Variants in KIAA1217 observed in about 807,000 individuals in gnomAD.
The protein encoded by KIAA1217 is sickle tail protein homolog.
Under a neutral mutation model 163.9 loss-of-function variants are expected in KIAA1217, and 88 were observed. The observed-to-expected ratio is 0.54, with a 90% CI of 0.45 to 0.64. The LOEUF is 0.64. Among genes scored for constraint, KIAA1217 ranks in the 30% least tolerant of loss-of-function variants. The probability of loss-of-function intolerance (pLI) is 0.00; values close to 1 mark genes in which losing one functional copy is unlikely to be tolerated. For missense variants in KIAA1217, 2,372 were observed against 2,475.0 expected, an observed-to-expected ratio of 0.96 and a Z score of 0.88; for synonymous variants, 903 against 923.1, an observed-to-expected ratio of 0.98 and a Z score of 0.39.
chr10:24,452,631 G>C (rs1400913225), intron 5 of KIAA1217, among the ~76,000 whole-genome samples: 1 of 144,468 alleles, frequency 6.9e-6, no homozygotes, highest in Non-Finnish European at 1.5e-5. Context: ...GCAGTGAGCC[G>C]AGATCGCACC....
At chr10:23,725,715 A>C (rs1358858609) in intron 1 of KIAA1217, among the ~76,000 whole-genome samples, 1 of 152,222 alleles carries the variant, frequency 6.6e-6, no homozygotes, top group East Asian at 1.9e-4. Context: ...TTTTGCTTAC[A>C]TGCATGGCTT....
chr10:24,461,901 A>C (rs1281101714), intron 5 of KIAA1217, among the ~76,000 whole-genome samples: 1 of 152,134 alleles, frequency 6.6e-6, no homozygotes, highest in African/African-American at 2.4e-5. Context: ...TGGGTGGTGC[A>C]TGCATCTCTG....
upstream of KIAA1217, among the ~76,000 whole-genome samples, chr10:24,207,429 G>A (rs796620651): frequency 6.6e-6 from 1 of 152,136 alleles, no homozygotes; most frequent in African/African-American, 2.4e-5. Context: ...GAACACAGCA[G>A]GGCCCTCCTT....
chr10:24,081,781 C>T (rs2061545718), intron 2 of KIAA1217, among the ~76,000 whole-genome samples: 1 of 152,244 alleles, frequency 6.6e-6, no homozygotes, highest in African/African-American at 2.4e-5. Flanking sequence ...GCATTCGAAG[C>T]TGTCCTGGGC....
At chr10:24,181,872 A>T (rs966696098) in intron 2 of KIAA1217, among the ~76,000 whole-genome samples, 2 of 152,222 alleles carry the variant, frequency 1.3e-5, no homozygotes, top group African/African-American at 4.8e-5. Flanking sequence ...TTTTAAGGAC[A>T]AAAGTTCAGT....
chr10:23,758,651 T>TCC (rs1554787430), intron 1 of KIAA1217, among the ~76,000 whole-genome samples: 5 of 112,158 alleles, frequency 4.5e-5, no homozygotes, highest in African/African-American at 7.0e-5. Flanking sequence ...TCTCTCCCCC[T>TCC]CCCTCCCTCC....
At chr10:23,745,319 C>T (rs941532344) in intron 1 of KIAA1217, among the ~76,000 whole-genome samples, 6 of 152,104 alleles carry the variant, frequency 3.9e-5, no homozygotes, top group African/African-American at 1.4e-4. Flanking sequence ...TATTTGAAAG[C>T]ACATTATATG....
intron 2 of KIAA1217, among the ~76,000 whole-genome samples, chr10:24,354,958 C>T (rs757494090): frequency 4.6e-5 from 7 of 152,220 alleles, no homozygotes; most frequent in Non-Finnish European, 7.3e-5. Flanking sequence ...TCCCTGCCTC[C>T]TGTCCATGTC....
At chr10:24,326,188 G>A (rs1007756454) in intron 2 of KIAA1217, among the ~76,000 whole-genome samples, 6 of 151,916 alleles carry the variant, frequency 3.9e-5, no homozygotes, top group South Asian at 2.1e-4. Flanking sequence ...TTATTACTAC[G>A]GTATCTCTAT....
At chr10:24,147,026 A>C (rs1204043855) in intron 2 of KIAA1217, among the ~76,000 whole-genome samples, 1 of 151,826 alleles carries the variant, frequency 6.6e-6, no homozygotes, top group South Asian at 2.1e-4. Context: ...AAAAAAAAAA[A>C]AAAAACAGTT....
At position 24,529,194 on chromosome 10, in the gene KIAA1217, C is replaced by T. The variant is rs577622180; in HGVS notation, c.3082+1075C>T. On this transcript the variant is annotated intron_variant, in intron 14 of 20. Coordinates refer to ENST00000376454, the MANE Select transcript of KIAA1217 (RefSeq NM_019590.5). The stretch of plus-strand genomic sequence containing the variant: ...CCACCGTACAGTCATCCCTTGGTAT[C>T]CATGGGAGATTAGTTCCAGGACTCC... Among the ~76,000 whole-genome samples, 122 of 152,252 alleles carry T rather than the reference C, an allele frequency of 8.0e-4. 1 individual carries two copies. The highest frequency in any genetic ancestry group is 1.4e-3 in the Non-Finnish European group (98 of 68,030).
intron 2 of KIAA1217, among the ~76,000 whole-genome samples, chr10:24,315,012 C>T (rs1379503463): frequency 1.3e-5 from 2 of 152,100 alleles, no homozygotes; most frequent in East Asian, 3.9e-4. Context: ...CCATGTCTTT[C>T]GGGAGGCTTT....
At chr10:24,098,889 C>G (rs1383799215) in intron 2 of KIAA1217, among the ~76,000 whole-genome samples, 3 of 152,078 alleles carry the variant, frequency 2.0e-5, no homozygotes, top group African/African-American at 7.2e-5. Flanking sequence ...GAGGCTGAGA[C>G]AGAAAGATCG....
At chr10:23,864,882 G>C (rs1014056333) in intron 1 of KIAA1217, among the ~76,000 whole-genome samples, 2 of 152,158 alleles carry the variant, frequency 1.3e-5, no homozygotes, top group African/African-American at 4.8e-5. Flanking sequence ...TCTGGAGGTA[G>C]AATTCCTTCT....
intron 6 of KIAA1217, among the ~76,000 whole-genome samples, chr10:24,489,821 G>T (rs2065880608): frequency 8.1e-6 from 1 of 123,416 alleles, no homozygotes; most frequent in Non-Finnish European, 1.6e-5. Context: ...CTATGATCAT[G>T]CCACTGTATT....
chr10:24,051,388 A>G (rs1242319791), intron 2 of KIAA1217, among the ~76,000 whole-genome samples: 2 of 152,118 alleles, frequency 1.3e-5, no homozygotes, highest in African/African-American at 4.8e-5. Context: ...TGTCTTTTTC[A>G]TATAATTACT....
At chr10:24,275,199 C>A (rs2077149674) in intron 2 of KIAA1217, among the ~76,000 whole-genome samples, 3 of 152,180 alleles carry the variant, frequency 2.0e-5, no homozygotes, top group African/African-American at 7.2e-5. Flanking sequence ...CCAGGCTGGT[C>A]TTGAACTCCT....
chr10:24,151,099 G>A (rs1444465304), intron 2 of KIAA1217, among the ~76,000 whole-genome samples: 2 of 152,078 alleles, frequency 1.3e-5, no homozygotes, highest in Admixed American at 1.3e-4. Context: ...AGCAGGGAAG[G>A]ATAGTAGAGT....
intron 1 of KIAA1217, among the ~76,000 whole-genome samples, chr10:23,972,027 T>G (rs947288970): frequency 2.0e-5 from 3 of 152,212 alleles, no homozygotes; most frequent in African/African-American, 7.2e-5. Context: ...CCAATGAATA[T>G]CTAACATTTA....
Sources: gnomAD v4.1 joint callset for allele counts (sites outside exome capture counted in the v4.1 genomes callset) on GRCh38, gnomAD v4.1.1 for gene constraint, MANE v1.5 for transcripts, NCBI Gene and HGNC (gene_info 2026-07-23, HGNC 2026-07-21) for gene names.